The following LRRTM4 variants were observed in gnomAD, a reference collection of about 807,000 sequenced individuals.
The protein encoded by LRRTM4 is leucine rich repeat transmembrane neuronal 4.
A neutral mutation model predicts 47.6 loss-of-function variants in LRRTM4; 25 were observed. That is an observed-to-expected ratio of 0.53 (90% CI 0.38 to 0.73). LRRTM4 has a LOEUF of 0.73. Among genes scored for constraint, LRRTM4 ranks in the 30% least tolerant of loss-of-function variants. The pLI is 0.00. For synonymous variants in LRRTM4, 311 were observed against 269.5 expected (o/e 1.15, Z -1.51); for missense variants, 638 against 713.4 (o/e 0.89, Z 1.20).
chr2:76,796,668 A>G (rs1206462185), intron 3 of LRRTM4, among the ~76,000 whole-genome samples: 2 of 115,028 alleles, frequency 1.7e-5, no homozygotes, highest in Non-Finnish European at 3.4e-5. Context: ...GTGCATCACC[A>G]TCATCAAAGA....
intron 3 of LRRTM4, among the ~76,000 whole-genome samples, chr2:77,362,170 A>AAAGAAAGGAAGG (rs1282143102): frequency 1.1e-3 from 150 of 133,568 alleles, no homozygotes; most frequent in South Asian, 3.8e-3. Context: ...AGAAAGAAAG[A>AAAGAAAGGAAGG]AAGGAAGGAA....
At chr2:77,232,198 G>A (rs1674983590) in intron 3 of LRRTM4, among the ~76,000 whole-genome samples, 1 of 152,052 alleles carries the variant, frequency 6.6e-6, no homozygotes, top group African/African-American at 2.4e-5. Context: ...TGAGTGTGTT[G>A]GTAAATATCA....
chr2:77,429,147 G>C (rs571380308), intron 3 of LRRTM4, among the ~76,000 whole-genome samples: 48 of 152,112 alleles, frequency 3.2e-4, no homozygotes, highest in Non-Finnish European at 5.6e-4. Context: ...AAGAACTCAC[G>C]GAGCTGTGTA....
At chr2:77,040,432 T>G (rs1046023354) in intron 3 of LRRTM4, among the ~76,000 whole-genome samples, 5 of 151,284 alleles carry the variant, frequency 3.3e-5, no homozygotes, top group African/African-American at 1.2e-4. Context: ...TGAAAGAGAT[T>G]GTCAAATTGA....
intron 3 of LRRTM4, among the ~76,000 whole-genome samples, chr2:77,006,260 C>G (rs1677641642): frequency 6.6e-6 from 1 of 152,048 alleles, no homozygotes; most frequent in African/African-American, 2.4e-5. Flanking sequence ...AATCTGGACC[C>G]TAACACTTTG....
chr2:77,441,757 A>C (rs1020023381), intron 3 of LRRTM4, among the ~76,000 whole-genome samples: 6 of 152,212 alleles, frequency 3.9e-5, no homozygotes, highest in African/African-American at 1.4e-4. Flanking sequence ...CCCAAAGAGA[A>C]GTAAGACATA....
At chr2:76,915,394 G>A (rs1410776575) in intron 3 of LRRTM4, among the ~76,000 whole-genome samples, 1 of 152,182 alleles carries the variant, frequency 6.6e-6, no homozygotes, top group Non-Finnish European at 1.5e-5. Context: ...CACTGCCTCT[G>A]TCACATATGC....
chr2:77,034,837 A>G (rs541782422), intron 3 of LRRTM4, among the ~76,000 whole-genome samples: 2 of 151,962 alleles, frequency 1.3e-5, no homozygotes, highest in African/African-American at 2.4e-5. Context: ...TAATTCTAAT[A>G]TTCTTTTCAC....
At chr2:77,442,987 C>G (rs1030304257) in intron 3 of LRRTM4, among the ~76,000 whole-genome samples, 2 of 152,070 alleles carry the variant, frequency 1.3e-5, no homozygotes, top group African/African-American at 4.8e-5. Context: ...ATAAGGCTCA[C>G]TTGGCACAAG....
chr2:76,835,961 A>C (rs1329084822), intron 3 of LRRTM4, among the ~76,000 whole-genome samples: 1 of 152,034 alleles, frequency 6.6e-6, no homozygotes, highest in African/African-American at 2.4e-5. Context: ...GAATTTCTAA[A>C]TGATAGTAGA....
At chr2:77,067,566 A>T (rs1224653725) in intron 3 of LRRTM4, among the ~76,000 whole-genome samples, 1 of 152,078 alleles carries the variant, frequency 6.6e-6, no homozygotes, top group Non-Finnish European at 1.5e-5. Flanking sequence ...TAGAAAACAG[A>T]TCAATGATTT....
At chr2:77,419,634 T>C (rs1558735007) in intron 3 of LRRTM4, among the ~76,000 whole-genome samples, 3 of 152,146 alleles carry the variant, frequency 2.0e-5, no homozygotes, top group Non-Finnish European at 4.4e-5. Context: ...GTTGAATCCA[T>C]GGATGTAAAA....
chr2:77,142,324 GTTC>G (rs1672145632), intron 3 of LRRTM4, among the ~76,000 whole-genome samples: 1 of 151,934 alleles, frequency 6.6e-6, no homozygotes, highest in African/African-American at 2.4e-5. Flanking sequence ...CTGAATTCTT[GTTC>G]TTGTTTCCAT....
chr2:77,477,010 T>G (rs1165324543), intron 3 of LRRTM4, among the ~76,000 whole-genome samples: 1 of 149,360 alleles, frequency 6.7e-6, no homozygotes, highest in Non-Finnish European at 1.5e-5. Context: ...GTGTGTACTT[T>G]TATGCCATAA....
At chr2:77,110,820 AT>A (rs1439490292) in intron 3 of LRRTM4, among the ~76,000 whole-genome samples, 3 of 152,222 alleles carry the variant, frequency 2.0e-5, no homozygotes, top group Admixed American at 6.5e-5. Flanking sequence ...TTGAAATATT[AT>A]TAAAGATATA....
intron 3 of LRRTM4, among the ~76,000 whole-genome samples, chr2:77,054,562 G>A (rs938833920): frequency 2.0e-5 from 3 of 152,138 alleles, no homozygotes; most frequent in Non-Finnish European, 4.4e-5. Flanking sequence ...TAGCTAAATA[G>A]CTAGGATAGG....
intron 3 of LRRTM4, among the ~76,000 whole-genome samples, chr2:77,125,484 C>T (rs74419110): frequency 0.066 from 10,049 of 152,114 alleles, 729 homozygotes; most frequent in East Asian, 0.19. Flanking sequence ...TTTTTCCATC[C>T]TAAACGCTCA....
rs1012909622 is a variant in LRRTM4 at position 77,097,882 on chromosome 2, G to T, written c.1552-348966C>A. Among the ~76,000 whole-genome samples the T allele has an allele frequency of 2.0e-5, 3 of 151,924 alleles. No individual in the cohort carries two copies. The South Asian group carries it at 6.2e-4, about 32-fold the overall frequency. On this transcript the variant is annotated intron_variant, in intron 3 of 3. Coordinates refer to ENST00000409884, the MANE Select transcript of LRRTM4 (RefSeq NM_001134745.3). ...AATAGGGAGGATCATTAAAGACAAT[G>T]GTTATTGTTTAAATAGATTATTAAA... is the stretch of plus-strand genomic sequence containing the variant.
chr2:76,994,153 A>G (rs1200185108), intron 3 of LRRTM4, among the ~76,000 whole-genome samples: 2 of 151,814 alleles, frequency 1.3e-5, no homozygotes, highest in African/African-American at 2.4e-5. Flanking sequence ...AAAACTACCT[A>G]TTGAGTACTA....
Sources: allele counts gnomAD v4.1 joint callset (sites outside exome capture counted in the v4.1 genomes callset), GRCh38; gene constraint gnomAD v4.1.1; transcripts MANE v1.5; gene names NCBI Gene and HGNC (gene_info 2026-07-23, HGNC 2026-07-21).